The following EMC3 variants were observed in gnomAD, a reference collection of about 807,000 sequenced individuals.
EMC3 encodes the protein 30 kDa protein.
A neutral mutation model predicts 36.6 loss-of-function variants in EMC3; 13 were observed. The observed-to-expected ratio is 0.35, with a 90% CI of 0.23 to 0.56. The LOEUF (loss-of-function observed/expected upper bound fraction) is 0.56. Among genes scored for constraint, EMC3 ranks in the 20% least tolerant of loss-of-function variants. The pLI is 0.84. For missense variants in EMC3, 220 were observed against 324.5 expected, an observed-to-expected ratio of 0.68 and a Z score of 2.47; for synonymous variants, 120 against 111.9, an observed-to-expected ratio of 1.07 and a Z score of -0.46.
chr3:9,973,799 G>A (rs574203923), intron 4 of EMC3, 90 bp from the exon 5 acceptor site: 9 of 1,227,622 alleles, frequency 7.3e-6, no homozygotes, highest in Non-Finnish European at 1.1e-5. Context: ...GGAACTCTGT[G>A]CCACATAGCT....
At chr3:10,005,082 CTT>C (rs1414560438) in intron 1 of EMC3, 4 of 152,362 alleles carry the variant, frequency 2.6e-5, no homozygotes, top group Non-Finnish European at 4.4e-5. Context: ...ATCTTGAAGA[CTT>C]TCCATCACCC....
intron 1 of EMC3, among the ~76,000 whole-genome samples, chr3:9,991,932 A>C (rs1437893660): frequency 6.6e-6 from 1 of 152,092 alleles, no homozygotes; most frequent in Admixed American, 6.6e-5. Context: ...TGCAGTTCAC[A>C]ATGGGGTTTG....
chr3:9,980,435 G>A (rs2085898047), intron 1 of EMC3, among the ~76,000 whole-genome samples: 1 of 150,198 alleles, frequency 6.7e-6, no homozygotes, highest in Non-Finnish European at 1.5e-5. Context: ...GTACAATCTT[G>A]GCTCATGGCA....
rs187389648 is a variant in EMC3 at position 9,983,591 on chromosome 3, C to T, written c.155+2916G>A. On this transcript the variant is annotated intron_variant, in intron 1 of 7. Coordinates refer to ENST00000245046, the MANE Select transcript of EMC3 (RefSeq NM_001394674.1). The stretch of plus-strand genomic sequence containing the variant: ...AGAGGTTGAGGCAGGAGAATCACTT[C>T]AGCTGGGGAGGCAGAGGTTGCAGTG... 1.2e-4 allele frequency among the ~76,000 whole-genome samples: 18 copies of T among 152,066 alleles called. No individual in the cohort carries two copies. In the East Asian group the frequency reaches 3.5e-3, roughly 30 times the overall value.
upstream of EMC3, chr3:9,987,822 G>A (rs2085996145): frequency 2.6e-5 from 15 of 585,502 alleles, no homozygotes; most frequent in South Asian, 2.3e-4. Flanking sequence ...CAGTCTTTCA[G>A]GAGATTGTCA....
intron 1 of EMC3, among the ~76,000 whole-genome samples, chr3:9,999,132 C>G (rs1203744366): frequency 6.6e-6 from 1 of 152,068 alleles, no homozygotes; most frequent in African/African-American, 2.4e-5. Flanking sequence ...GATATTGATC[C>G]CTTATCAGAC....
chr3:9,982,886 T>TA (rs1257974737), intron 1 of EMC3, among the ~76,000 whole-genome samples: 106 of 139,102 alleles, frequency 7.6e-4, no homozygotes, highest in African/African-American at 1.6e-3. Context: ...ACTTGTCACT[T>TA]AAAAAAAAAA....
chr3:9,995,636 G>C (rs61429272), intron 1 of EMC3, among the ~76,000 whole-genome samples: 34,015 of 150,848 alleles, frequency 0.23, 4,402 homozygotes, highest in African/African-American at 0.36. Context: ...GCAATATGTT[G>C]GGAAAGATTC....
In EMC3 at chr3:9,968,199, C is replaced by T. The variant is rs141140741; in HGVS notation, c.657+1520G>A. Reference sequence around the variant, plus strand: ...CCTCCCAAAGTGCTAGGATTACAGGCGTTAACCACCATGCCCGGCCACGGC... The same window carrying T: ...CCTCCCAAAGTGCTAGGATTACAGGTGTTAACCACCATGCCCGGCCACGGC... On this transcript the variant is annotated intron_variant, in intron 7 of 7. Coordinates refer to ENST00000245046, the MANE Select transcript of EMC3 (RefSeq NM_001394674.1). Among the ~76,000 whole-genome samples the T allele has an allele frequency of 3.1e-3, 477 of 152,308 alleles. 6 individuals are homozygous for T. Among genetic ancestry groups the T allele is most frequent in the African/African-American group, 0.011 (458 of 41,572 alleles).
At chr3:9,988,669 G>A (rs1305594935), upstream of EMC3, 78 of 1,270,658 alleles carry the variant, frequency 6.1e-5, 1 homozygote, top group Middle Eastern at 1.9e-4. Flanking sequence ...AACGTGTTTC[G>A]CTGATGTGTC....
At chr3:9,965,262 T>TA (rs2085725538) in intron 7 of EMC3, among the ~76,000 whole-genome samples, 1 of 151,486 alleles carries the variant, frequency 6.6e-6, no homozygotes, top group Non-Finnish European at 1.5e-5. Context: ...AAAAAAAAAT[T>TA]AGTTGGGTGT....
At chr3:9,965,421 G>GATAGATAT (rs1460911482) in intron 7 of EMC3, among the ~76,000 whole-genome samples, 9 of 83,516 alleles carry the variant, frequency 1.1e-4, no homozygotes, top group Non-Finnish European at 2.4e-4. Flanking sequence ...ACCCTCGATA[G>GATAGATAT]ATAGATAGAT....
At chr3:9,966,128 T>C (rs1285028300) in intron 7 of EMC3, among the ~76,000 whole-genome samples, 3 of 152,170 alleles carry the variant, frequency 2.0e-5, no homozygotes, top group South Asian at 2.1e-4. Flanking sequence ...TCATCAACAA[T>C]AGGGTTCCAA....
At position 10,007,532 on chromosome 3, in the gene EMC3, T is replaced by TC. The variant is rs754624326; in HGVS notation, c.-242+3490dup. The TC allele has an allele frequency of 6.6e-6, 9 of 1,367,136 alleles. No individual in the cohort carries two copies. In the African/African-American group the frequency reaches 1.3e-4, roughly 20 times the overall value. The allele number at this position is 1,367,136 out of a possible 1,614,324, so 84.7% of individuals were successfully genotyped here. ...TTTTGATAACAGTGGCATGAAGCGC[T>TC]CCCCCTCAGAGGCCTGACGTAGGAG... On this transcript the variant is annotated intron_variant, in intron 1 of 8. Transcript: ENST00000470827.
intron 1 of EMC3, among the ~76,000 whole-genome samples, chr3:10,000,043 T>G (rs1051548343): frequency 5.9e-5 from 9 of 152,234 alleles, no homozygotes; most frequent in South Asian, 4.1e-4. Context: ...TTTTATTTTT[T>G]GGGGTTTTTT....
At chr3:10,004,024 C>T (rs999140369) in intron 1 of EMC3, 3 of 152,162 alleles carry the variant, frequency 2.0e-5, no homozygotes, top group South Asian at 2.1e-4. Context: ...GGCCCTGGAA[C>T]GTTTCCTAGG....
intron 1 of EMC3, among the ~76,000 whole-genome samples, chr3:9,992,185 A>G (rs1451557524): frequency 6.6e-6 from 1 of 152,106 alleles, no homozygotes; most frequent in Non-Finnish European, 1.5e-5. Context: ...CAGTGGCACA[A>G]TCTCGGCTCA....
chr3:10,002,081 G>T (rs185679605), intron 1 of EMC3, among the ~76,000 whole-genome samples: 1 of 152,184 alleles, frequency 6.6e-6, no homozygotes, highest in African/African-American at 2.4e-5. Context: ...GCAATTTGGG[G>T]GTCCCTTGAA....
At chr3:9,995,927 G>A (rs78562713) in intron 1 of EMC3, among the ~76,000 whole-genome samples, 5 of 151,524 alleles carry the variant, frequency 3.3e-5, no homozygotes, top group African/African-American at 9.7e-5. Context: ...GCCATAGTTC[G>A]AGCATTTTTT....
Sources: gnomAD v4.1 joint callset for allele counts (sites outside exome capture counted in the v4.1 genomes callset) on GRCh38, gnomAD v4.1.1 for gene constraint, MANE v1.5 for transcripts, NCBI Gene and HGNC (gene_info 2026-07-23, HGNC 2026-07-21) for gene names.